PPP6R2: variants seen among roughly 807,000 people sequenced by gnomAD.
The protein encoded by PPP6R2 is protein phosphatase 6 regulatory subunit 2.
PPP6R2 carries 62 observed loss-of-function variants against 100.2 expected under a neutral mutation model. That is an observed-to-expected ratio of 0.62 (90% CI 0.50 to 0.76). The LOEUF is 0.76. Ranked by LOEUF, PPP6R2 falls within the 30% of genes least tolerant of loss-of-function variation. The pLI is 0.00. For missense variants in PPP6R2, 1,142 were observed against 1,276.3 expected, an observed-to-expected ratio of 0.89 and a Z score of 1.60; for synonymous variants, 525 against 514.7, an observed-to-expected ratio of 1.02 and a Z score of -0.27.
At chr22:50,411,487 T>TCA (rs1252724595) in intron 4 of PPP6R2, among the ~76,000 whole-genome samples, 1 of 151,148 alleles carries the variant, frequency 6.6e-6, no homozygotes, top group Non-Finnish European at 1.5e-5. Context: ...GCGTGCTGGC[T>TCA]CACACCTGTA....
At chr22:50,358,604 A>G (rs1256478571) in intron 1 of PPP6R2, among the ~76,000 whole-genome samples, 2 of 152,220 alleles carry the variant, frequency 1.3e-5, no homozygotes, top group Non-Finnish European at 2.9e-5. Context: ...TCAGGATAGT[A>G]AACATATTCA....
Position 50,423,531 on chromosome 22 carries a change from C to A in PPP6R2, c.1042C>A (p.Arg348Ser). The change falls in exon 10 of 24, where the codon CGC (arginine) becomes AGC (serine). Residue 348 changes from arginine (R) to serine (S), a missense_variant. Around this residue, in one of 2 missense-constraint regions of PPP6R2, gnomAD observed 592 missense variants for 758.9 expected, o/e 0.78. Transcript: ENST00000612753. The surrounding 1 kb of genome is among the most constrained non-coding windows in gnomAD (Gnocchi z 4.8). ...GGGGAATGCCCGTCTGCATGGCGCC[C>A]GCCTCATGGCAGCACTGCTGCACAC... is the stretch of plus-strand genomic sequence containing the variant. ...PLGNARLHGARLMAALLHTNT... is the reference protein window; with the variant it reads ...PLGNARLHGASLMAALLHTNT... The A allele has an allele frequency of 6.2e-7, 1 of 1,614,216 alleles. No homozygotes were observed. The highest frequency in any genetic ancestry group is 8.5e-7 in the Non-Finnish European group (1 of 1,180,044).
At chr22:50,432,469 C>T (rs1208876713) in intron 12 of PPP6R2, 140 bp downstream of exon 12, 2 of 788,922 alleles carry the variant, frequency 2.5e-6, no homozygotes, top group African/African-American at 1.7e-5. Flanking sequence ...GCTCCACGTT[C>T]TGGGGCTGCT....
intron 1 of PPP6R2, among the ~76,000 whole-genome samples, chr22:50,359,217 C>CTTTT (rs368586121): frequency 7.7e-6 from 1 of 129,172 alleles, no homozygotes; most frequent in Non-Finnish European, 1.6e-5. Flanking sequence ...CCAGGCTGGT[C>CTTTT]TTTTTTTTTT....
intron 12 of PPP6R2, among the ~76,000 whole-genome samples, chr22:50,433,496 GGGGCC>G: frequency 1.2e-5 from 1 of 82,306 alleles, no homozygotes; most frequent in Non-Finnish European, 2.5e-5. Flanking sequence ...ACGCTGGGCA[GGGGCC>G]GGGCATTTGC....
At chr22:50,342,553 C>A (rs938228774), upstream of PPP6R2, among the ~76,000 whole-genome samples, 1 of 152,228 alleles carries the variant, frequency 6.6e-6, no homozygotes, top group African/African-American at 2.4e-5. Context: ...CGCCCAGATA[C>A]GCTTTCGCAG....
the PPP6R2 span, among the ~76,000 whole-genome samples, chr22:50,336,655 A>G: frequency 1.3e-5 from 2 of 151,972 alleles, no homozygotes; most frequent in African/African-American, 4.8e-5. Context: ...CAGCCTCCCA[A>G]ATTGCTGGGA....
chr22:50,381,487 C>T (rs1346414978), intron 2 of PPP6R2, among the ~76,000 whole-genome samples: 1 of 151,666 alleles, frequency 6.6e-6, no homozygotes, highest in Non-Finnish European at 1.5e-5. Context: ...CACACGGGCC[C>T]CACCTCAGCA....
chr22:50,427,241 C>T (rs536823456), intron 10 of PPP6R2, among the ~76,000 whole-genome samples: 1 of 150,956 alleles, frequency 6.6e-6, no homozygotes, highest in Admixed American at 6.6e-5. Context: ...TTTCTGGACT[C>T]TCTGTTCTGT....
chr22:50,393,838 G>A, intron 2 of PPP6R2, 55 bp from the exon 3 acceptor site: 4 of 1,603,102 alleles, frequency 2.5e-6, no homozygotes, highest in Non-Finnish European at 3.4e-6. Context: ...GTCTAGTGTT[G>A]CTGAAGGTGG....
chr22:50,351,177 A>G (rs2045124468), intron 1 of PPP6R2, among the ~76,000 whole-genome samples: 1 of 143,386 alleles, frequency 7.0e-6, no homozygotes, highest in South Asian at 2.3e-4. Flanking sequence ...AGTGGCTGGG[A>G]TTACAGGCAT....
At chr22:50,424,364 C>A (rs61444217) in intron 10 of PPP6R2, among the ~76,000 whole-genome samples, 3,346 of 95,368 alleles carry the variant, frequency 0.035, 27 homozygotes, top group East Asian at 0.083. Flanking sequence ...AAGGTCCGTC[C>A]GCGTGTGGAA....
intron 18 of PPP6R2, 76 bp from the exon 19 acceptor site, chr22:50,438,523 C>T (rs2064888783): frequency 6.5e-7 from 1 of 1,542,894 alleles, no homozygotes; most frequent in Non-Finnish European, 8.9e-7. Context: ...CAGCCCCGAG[C>T]CTGGGGCCGC....
At chr22:50,419,259 G>A in intron 7 of PPP6R2, 90 bp from the exon 8 acceptor site, 1 of 1,157,782 alleles carries the variant, frequency 8.6e-7, no homozygotes, top group South Asian at 1.4e-5. Context: ...GGGTTTTGCT[G>A]GGGTCCTCCA....
intron 4 of PPP6R2, among the ~76,000 whole-genome samples, chr22:50,414,165 C>T (rs569504907): frequency 7.9e-5 from 12 of 152,282 alleles, no homozygotes; most frequent in African/African-American, 2.9e-4. Context: ...CTGGGGCTGC[C>T]AGTGATGGCC....
At chr22:50,337,939 T>TGTGTGTGTGATGTGTGTG in the PPP6R2 span, among the ~76,000 whole-genome samples, 2 of 121,906 alleles carry the variant, frequency 1.6e-5, no homozygotes, top group African/African-American at 6.3e-5. Context: ...GGTGTGTGCA[T>TGTGTGTGTGATGTGTGTG]GTGTGTGTGA....
intron 1 of PPP6R2, among the ~76,000 whole-genome samples, chr22:50,365,732 A>C (rs551079702): frequency 7.3e-6 from 1 of 136,320 alleles, no homozygotes; most frequent in East Asian, 2.1e-4. Context: ...TTTATTTATT[A>C]TTATTTTTTT....
chr22:50,426,101 C>T (rs927767177), intron 10 of PPP6R2, among the ~76,000 whole-genome samples: 3 of 152,030 alleles, frequency 2.0e-5, no homozygotes, highest in Non-Finnish European at 4.4e-5. Flanking sequence ...TGCAGGCATG[C>T]GCCACCACAT....
chr22:50,362,625 C>G (rs1447979981), intron 1 of PPP6R2, among the ~76,000 whole-genome samples: 1 of 152,126 alleles, frequency 6.6e-6, no homozygotes, highest in Non-Finnish European at 1.5e-5. Flanking sequence ...TGTTGAAATC[C>G]TAAGTTCCAT....
Sources: allele counts gnomAD v4.1 joint callset (sites outside exome capture counted in the v4.1 genomes callset), GRCh38; gene constraint gnomAD v4.1.1; regional missense constraint gnomAD v4.1.1; non-coding constraint Gnocchi (gnomAD v3.1); transcripts MANE v1.5; gene names NCBI Gene and HGNC (gene_info 2026-07-23, HGNC 2026-07-21).